The following DYNC1H1 variants were observed in gnomAD, a reference collection of about 807,000 sequenced individuals.
DYNC1H1 encodes the protein dynein cytoplasmic 1 heavy chain 1.
DYNC1H1 carries 51 observed loss-of-function variants against 527.1 expected under a neutral mutation model. The ratio of observed to expected loss-of-function variants is 0.10; its 90% CI spans 0.08 to 0.12. DYNC1H1 has a LOEUF of 0.12. Ranked by LOEUF, DYNC1H1 falls within the 10% of genes least tolerant of loss-of-function variation. DYNC1H1 has a pLI of 1.00. For synonymous variants in DYNC1H1, 2,189 were observed against 2,278.8 expected, an observed-to-expected ratio of 0.96 and a Z score of 1.12; for missense variants, 2,771 against 5,971.8, an observed-to-expected ratio of 0.46 and a Z score of 17.66.
chr14:102,047,655 A>ATG (rs1414710445), intron 72 of DYNC1H1, 162 bp from the exon 73 acceptor site: 2 of 528,598 alleles, frequency 3.8e-6, no homozygotes, highest in African/African-American at 4.5e-5. Flanking sequence ...ATATATATAT[A>ATG]TATATATATG....
At chr14:101,972,376 A>G (rs933018307) in intron 1 of DYNC1H1, among the ~76,000 whole-genome samples, 8 of 152,214 alleles carry the variant, frequency 5.3e-5, no homozygotes, top group African/African-American at 1.9e-4. Flanking sequence ...GACTAGTCCA[A>G]GATGTTTTCT....
intron 1 of DYNC1H1, among the ~76,000 whole-genome samples, chr14:101,968,715 C>A (rs1476527197): frequency 6.6e-6 from 1 of 151,432 alleles, no homozygotes; most frequent in Non-Finnish European, 1.5e-5. Context: ...GCACACACCA[C>A]CACGCCTGGC....
intron 52 of DYNC1H1, chr14:102,032,752 C>T (rs1392668259): frequency 5.3e-6 from 3 of 567,642 alleles, no homozygotes; most frequent in Non-Finnish European, 9.4e-6. Context: ...ACTTGGGAGG[C>T]TGAGGTGGGA....
chr14:102,047,635 GTGTGTGTATATATATATATATATA>G, intron 72 of DYNC1H1, 158 bp from the exon 73 acceptor site: 1 of 398,594 alleles, frequency 2.5e-6, no homozygotes, highest in East Asian at 5.1e-5. Flanking sequence ...GTGTGTGTGT[GTGTGTGTATATATATATATATATA>G]TATATGTACA....
chr14:102,023,860 T>G (rs1199316824), intron 43 of DYNC1H1: 1 of 151,994 alleles, frequency 6.6e-6, no homozygotes, highest in Admixed American at 6.6e-5. Flanking sequence ...AATAAAAACT[T>G]AAAAAGAGTC....
Position 102,038,577 on chromosome 14 carries a change from G to A in DYNC1H1, c.11026G>A (p.Val3676Ile), listed in dbSNP as rs1470749260. 2 of 1,614,218 alleles carry A rather than the reference G, an allele frequency of 1.2e-6. No homozygotes were observed. Among genetic ancestry groups the A allele is most frequent in the East Asian group, 2.2e-5 (1 of 44,874 alleles). The change falls in exon 58 of 78, where the codon GTC becomes ATC. Residue 3676 changes from valine (V) to isoleucine (I), a missense_variant. Val to Ile is a conservative substitution (Grantham distance 29). Around this residue, in one of 32 missense-constraint regions of DYNC1H1, gnomAD observed 283 missense variants for 737.6 expected, o/e 0.38. Coordinates refer to ENST00000360184, the MANE Select transcript of DYNC1H1 (RefSeq NM_001376.5). This position sits in a 1 kb window ranked among gnomAD's most constrained non-coding sequence, Gnocchi z 7.2. ...GGACATAGACCTGTCGCCATCGTTT[G>A]TCATCTTCCTGTCCACCCGGGATCC... ...DQDIDLSPSF[V>I]IFLSTRDPTV...
rs144130830 is a variant in DYNC1H1 at position 101,974,194 on chromosome 14, G to A, written c.257-1518G>A. 5.5e-3 allele frequency among the ~76,000 whole-genome samples: 833 copies of A among 152,256 alleles called. 17 individuals carry two copies. The highest frequency in any genetic ancestry group is 0.037 in the East Asian group (190 of 5,180). On this transcript the variant is annotated intron_variant, in intron 1 of 77. Coordinates refer to ENST00000360184, the MANE Select transcript of DYNC1H1 (RefSeq NM_001376.5). ...AACTCACCACAACCTCCGCCTCCTG[G>A]GTTCAAGCGATTCGCCTGCCTCAGC...
intron 27 of DYNC1H1, 68 bp from the exon 28 acceptor site, chr14:102,006,940 T>G: frequency 6.4e-7 from 1 of 1,554,840 alleles, no homozygotes; most frequent in Non-Finnish European, 8.9e-7. Flanking sequence ...TTGTAGTTCT[T>G]TTAAAGCTAA....
At chr14:102,023,347 C>T (rs1035966105) in intron 43 of DYNC1H1, 64 of 310,928 alleles carry the variant, frequency 2.1e-4, no homozygotes, top group Admixed American at 1.4e-3. Flanking sequence ...GTCGGGAGTT[C>T]GAGACCAGCC....
In DYNC1H1 at chr14:101,986,687, C is replaced by T. The variant is rs1391196036; in HGVS notation, c.2462C>T (p.Ala821Val). The change falls in exon 8 of 78, where the codon GCG (alanine) becomes GTG (valine). Residue 821 changes from alanine (A) to valine (V), a missense_variant. Physicochemically the swap from Ala to Val is moderately conservative, Grantham distance 64 (BLOSUM62 0). Around this residue, in one of 32 missense-constraint regions of DYNC1H1, gnomAD observed 179 missense variants for 349.4 expected, o/e 0.51. Transcript: ENST00000360184. The surrounding 1 kb of genome is among the most constrained non-coding windows in gnomAD (Gnocchi z 8.7). ...CAGGCCCTGATCGCAGAAGGCATTGCGTTGGTGTGGGAGTCCTACAAACTT... is the reference window on the plus strand; with the variant it reads ...CAGGCCCTGATCGCAGAAGGCATTGTGTTGGTGTGGGAGTCCTACAAACTT... Reference protein sequence around the residue: ...EVQALIAEGIALVWESYKLDP... With the variant: ...EVQALIAEGIVLVWESYKLDP... The T allele has an allele frequency of 9.9e-6, 16 of 1,614,128 alleles. No individual in the cohort carries two copies. The highest frequency in any genetic ancestry group is 4.5e-5 in the East Asian group (2 of 44,882).
At position 102,041,984 on chromosome 14, in the gene DYNC1H1, G is replaced by T. The variant is rs1490296158; in HGVS notation, c.12103-29G>T. On this transcript the variant is annotated intron_variant, in intron 65 of 77. Transcript: ENST00000360184. The surrounding 1 kb of genome is among the most constrained non-coding windows in gnomAD (Gnocchi z 4.5). ...CAGGTACACACTATTTGCTGGCACT[G>T]TAATAACTTCTGCCTTCTTTGTTTG... The T allele has an allele frequency of 4.3e-6, 7 of 1,610,042 alleles. No individual in the cohort carries two copies. Among genetic ancestry groups the T allele is most frequent in the Non-Finnish European group, 6.0e-6 (7 of 1,176,384 alleles).
At chr14:101,990,975 C>G (rs1283298509) in intron 10 of DYNC1H1, among the ~76,000 whole-genome samples, 1 of 150,128 alleles carries the variant, frequency 6.7e-6, no homozygotes, top group Non-Finnish European at 1.5e-5. Context: ...CATCACTGCA[C>G]TCCAGCCTGG....
In DYNC1H1 at chr14:102,052,244, C is replaced by G. The variant is rs556881848; in HGVS notation, c.*1681C>G. ...AACCTCCCGGGCTCAAGTGATCCTC[C>G]CACCTCAGCCTTCTGAGCAGCTGGG... On this transcript the variant is annotated 3_prime_UTR_variant, in exon 78 of 78. Coordinates refer to ENST00000360184, the MANE Select transcript of DYNC1H1 (RefSeq NM_001376.5). 26 of 152,650 alleles carry G rather than the reference C, an allele frequency of 1.7e-4. No homozygotes were observed. Among genetic ancestry groups the G allele is most frequent in the Admixed American group, 1.4e-3 (22 of 15,296 alleles). 9.5% of individuals were successfully genotyped at this position (152,650 alleles called of 1,614,324 possible). A position where few individuals can be genotyped will look rare whatever the true frequency, so the allele number is the denominator to read the frequency against.
chr14:102,005,726 T>C lies in DYNC1H1; in HGVS notation c.5434-162T>C, dbSNP rs2048189718. Among the ~76,000 whole-genome samples the C allele has an allele frequency of 6.6e-6, 1 of 152,256 alleles. No individual in the cohort carries two copies. Among genetic ancestry groups the C allele is most frequent in the African/African-American group, 2.4e-5 (1 of 41,488 alleles). On this transcript the variant is annotated intron_variant, in intron 26 of 77. Transcript: ENST00000360184. This position sits in a 1 kb window ranked among gnomAD's most constrained non-coding sequence, Gnocchi z 4.0. ...GTGTAATACCATCTCATGAGTAACATTTCTCTCATCTCTGAAAGTGAATTT... is the reference window on the plus strand; with the variant it reads ...GTGTAATACCATCTCATGAGTAACACTTCTCTCATCTCTGAAAGTGAATTT...
intron 43 of DYNC1H1, chr14:102,023,088 C>A (rs1451254868): frequency 2.7e-6 from 2 of 733,182 alleles, no homozygotes; most frequent in South Asian, 1.6e-5. Flanking sequence ...CATAGTAAGA[C>A]TCCACCTCTA....
intron 8 of DYNC1H1, 142 bp from the exon 9 acceptor site, chr14:101,987,311 C>G (rs2047948248): frequency 2.1e-6 from 2 of 935,736 alleles, no homozygotes; most frequent in Non-Finnish European, 3.3e-6. Flanking sequence ...GTGTTCTCAC[C>G]CCAGCAGCTA....
intron 72 of DYNC1H1, among the ~76,000 whole-genome samples, chr14:102,046,897 C>T (rs1204853283): frequency 6.6e-6 from 1 of 151,938 alleles, no homozygotes; most frequent in African/African-American, 2.4e-5. Context: ...TTTCTGGGCT[C>T]AAGCGATCCC....
rs193269507 is a variant in DYNC1H1, at chr14:102,032,943, A to G, written c.10080-122A>G. On this transcript the variant is annotated intron_variant, in intron 52 of 77. Transcript: ENST00000360184. The stretch of plus-strand genomic sequence containing the variant: ...CCAAGGGTCAGTCTAGCTCATCCCC[A>G]GTGGTCAGTCACTGGGGCAATGAGA... 1.3e-4 allele frequency: 129 copies of G among 976,754 alleles called. 1 individual carries two copies. In the East Asian group the frequency reaches 2.8e-3, roughly 21 times the overall value. 60.5% of individuals were successfully genotyped at this position (976,754 alleles called of 1,614,324 possible). A position where few individuals can be genotyped will look rare whatever the true frequency, so the allele number is the denominator to read the frequency against.
rs746635345 is a variant in DYNC1H1, at chr14:101,985,938, G to T, written c.1713G>T (p.Gln571His). ...GGATCACCGCTCGCCTTCGGGATCAGCTTGGCACAGCCAAGAATGCCAACG... is the reference window on the plus strand; with the variant it reads ...GGATCACCGCTCGCCTTCGGGATCATCTTGGCACAGCCAAGAATGCCAACG... ...ETRITARLRD[Q>H]LGTAKNANEM... The change falls in exon 8 of 78, where the codon CAG becomes CAT. Residue 571 changes from glutamine to histidine, a missense_variant. Gln to His is a conservative substitution (Grantham distance 24). Around this residue, in one of 32 missense-constraint regions of DYNC1H1, gnomAD observed 264 missense variants for 619.4 expected, o/e 0.43. Coordinates refer to ENST00000360184, the MANE Select transcript of DYNC1H1 (RefSeq NM_001376.5). The surrounding 1 kb of genome is among the most constrained non-coding windows in gnomAD (Gnocchi z 5.9). 1.9e-6 allele frequency: 3 copies of T among 1,614,118 alleles called. No homozygotes were observed. Among genetic ancestry groups the T allele is most frequent in the Non-Finnish European group, 2.5e-6 (3 of 1,180,052 alleles).
Sources: allele counts gnomAD v4.1 joint callset (sites outside exome capture counted in the v4.1 genomes callset), GRCh38; gene constraint gnomAD v4.1.1; regional missense constraint gnomAD v4.1.1; non-coding constraint Gnocchi (gnomAD v3.1); transcripts MANE v1.5; gene names NCBI Gene and HGNC (gene_info 2026-07-23, HGNC 2026-07-21).